Variants in DESI1 observed in about 807,000 individuals in gnomAD.
The protein encoded by DESI1 is desumoylating isopeptidase 1, also known as PPPDE peptidase domain containing 2.
In DESI1, 17 loss-of-function variants were observed where a neutral mutation model predicts 22.4. The ratio of observed to expected loss-of-function variants is 0.76; its 90% confidence interval spans 0.52 to 1.14. The LOEUF (loss-of-function observed/expected upper bound fraction) is 1.14, where lower values mean the gene tolerates loss of function less well. Ranked by LOEUF, DESI1 falls within the 50% of genes most tolerant of loss-of-function variation. DESI1 has a pLI of 0.00. For synonymous variants in DESI1, 92 were observed against 84.2 expected (o/e 1.09, Z -0.51); for missense variants, 177 against 208.9 (o/e 0.85, Z 0.94).
rs138511475 is a variant in DESI1 at position 41,607,617 on chromosome 22, A to G, written c.110+223T>C. Among the ~76,000 whole-genome samples the G allele has an allele frequency of 4.8e-3, 725 of 152,354 alleles. 3 individuals are homozygous for G. Among genetic ancestry groups the G allele is most frequent in the Non-Finnish European group, 6.3e-3 (432 of 68,040 alleles). On this transcript the variant is annotated intron_variant, in intron 2 of 5. Coordinates refer to ENST00000263256, the MANE Select transcript of DESI1 (RefSeq NM_015704.3). ...CTGCCTCTATCCACAAGATGCCAGT[A>G]GCATCCTCCTCCCTGTATGACAACC... is the stretch of plus-strand genomic sequence containing the variant.
intron 1 of DESI1, among the ~76,000 whole-genome samples, chr22:41,618,286 C>T (rs2067561782): frequency 6.6e-6 from 1 of 151,178 alleles, no homozygotes; most frequent in African/African-American, 2.4e-5. Flanking sequence ...TCACTTGAAC[C>T]TGGGAGGCAG....
chr22:41,618,617 C>A (rs1389737641), intron 1 of DESI1, among the ~76,000 whole-genome samples: 1 of 152,096 alleles, frequency 6.6e-6, no homozygotes, highest in East Asian at 1.9e-4. Flanking sequence ...TCCTAAGGCT[C>A]CTTTCAGCTG....
At chr22:41,605,622 T>C (rs1038335893) in intron 3 of DESI1, among the ~76,000 whole-genome samples, 5 of 152,218 alleles carry the variant, frequency 3.3e-5, no homozygotes, top group Non-Finnish European at 7.3e-5. Flanking sequence ...TATTCACTCA[T>C]ATAACAACTA....
At chr22:41,614,967 A>C (rs1438805574) in intron 1 of DESI1, among the ~76,000 whole-genome samples, 2 of 148,622 alleles carry the variant, frequency 1.3e-5, no homozygotes, top group African/African-American at 5.0e-5. Flanking sequence ...AGAAGATTTC[A>C]TTTCAAGGAA....
At position 41,602,629 on chromosome 22, in the gene DESI1, CAA is replaced by C. The variant is rs1348364851; in HGVS notation, c.413+628_413+629del. 7 of 986,420 alleles carry C rather than the reference CAA, an allele frequency of 7.1e-6. No homozygotes were observed. In the Admixed American group the frequency reaches 1.8e-4, roughly 26 times the overall value. The allele number at this position is 986,420 out of a possible 1,614,324, so 61.1% of individuals were successfully genotyped here. A position where few individuals can be genotyped will look rare whatever the true frequency, so the allele number is the denominator to read the frequency against. ...GAGGCTGCCTGAATGCAATCAACGA[CAA>C]GAGGGAGGAGGTGAGATGGCTTTGG... On this transcript the variant is annotated intron_variant, in intron 5 of 5. Coordinates refer to ENST00000263256, the MANE Select transcript of DESI1 (RefSeq NM_015704.3).
intron 1 of DESI1, among the ~76,000 whole-genome samples, chr22:41,616,653 T>TG (rs1449943743): frequency 1.3e-5 from 2 of 152,122 alleles, no homozygotes; most frequent in Non-Finnish European, 2.9e-5. Flanking sequence ...AGGACACTTA[T>TG]AATAGCTAAT....
intron 3 of DESI1, among the ~76,000 whole-genome samples, chr22:41,604,732 TA>T (rs111720971): frequency 2.6e-3 from 375 of 143,644 alleles, no homozygotes; most frequent in Middle Eastern, 3.6e-3. Flanking sequence ...CTGATGAGCT[TA>T]AAAAAAAAAA....
chr22:41,610,834 T>C (rs132762), intron 1 of DESI1, among the ~76,000 whole-genome samples: 36,814 of 150,846 alleles, frequency 0.24, 4,897 homozygotes, highest in Non-Finnish European at 0.3. Context: ...GATGGCGCCA[T>C]TGTACTCCAG....
chr22:41,604,049 C>A lies in DESI1; in HGVS notation c.285G>T (p.Leu95=). 1 of 1,613,366 alleles carries A rather than the reference C, an allele frequency of 6.2e-7. No homozygotes were observed. Among genetic ancestry groups the A allele is most frequent in the South Asian group, 1.1e-5 (1 of 91,056 alleles). The change falls in exon 4 of 6, where the codon CTG becomes CTT. Residue 95 remains leucine (L), a synonymous_variant. Coordinates refer to ENST00000263256, the MANE Select transcript of DESI1 (RefSeq NM_015704.3). ...CCACCCCTGTCTCCACTCACCGGAA[C>A]AGGGACTCCCCCAGGGAGGAGAGGT... ...LEYLSSLGES[L]FRGEAYNLFE...
intron 3 of DESI1, among the ~76,000 whole-genome samples, chr22:41,605,724 TTA>T: frequency 6.6e-6 from 1 of 152,266 alleles, no homozygotes. Flanking sequence ...GTTAAGAAGC[TTA>T]GTGTAGCAGG....
At chr22:41,614,787 C>G (rs2067539843) in intron 1 of DESI1, among the ~76,000 whole-genome samples, 1 of 150,606 alleles carries the variant, frequency 6.6e-6, no homozygotes. Context: ...GTTTCACTAT[C>G]TTGGCCAGGC....
At chr22:41,613,262 T>C (rs1269963631) in intron 1 of DESI1, among the ~76,000 whole-genome samples, 1 of 152,136 alleles carries the variant, frequency 6.6e-6, no homozygotes, top group Non-Finnish European at 1.5e-5. Context: ...TAGTTTCCTA[T>C]TCTGTAAAAA....
intron 1 of DESI1, among the ~76,000 whole-genome samples, chr22:41,615,090 A>G (rs1324972433): frequency 2.0e-5 from 3 of 150,240 alleles, no homozygotes; most frequent in Non-Finnish European, 4.4e-5. Context: ...CGAGGTCAGG[A>G]GATCAAGTCC....
At chr22:41,610,618 C>T (rs2067511062) in intron 1 of DESI1, among the ~76,000 whole-genome samples, 2 of 151,962 alleles carry the variant, frequency 1.3e-5, no homozygotes, top group Admixed American at 1.3e-4. Context: ...CTGCTCTGGC[C>T]CGGAAGACCA....
At chr22:41,606,374 C>A (rs1252002355) in intron 3 of DESI1, among the ~76,000 whole-genome samples, 2 of 151,464 alleles carry the variant, frequency 1.3e-5, no homozygotes, top group Non-Finnish European at 2.9e-5. Context: ...AAAAAAAATC[C>A]TTCCTGTAGG....
At chr22:41,612,194 A>C (rs1366008630) in intron 1 of DESI1, among the ~76,000 whole-genome samples, 1 of 152,132 alleles carries the variant, frequency 6.6e-6, no homozygotes, top group African/African-American at 2.4e-5. Flanking sequence ...GCAATAGTGA[A>C]TGGTATAGAA....
intron 1 of DESI1, among the ~76,000 whole-genome samples, chr22:41,611,188 G>C (rs1360502387): frequency 6.6e-6 from 1 of 152,182 alleles, no homozygotes; most frequent in Non-Finnish European, 1.5e-5. Context: ...GGAGTGCAGT[G>C]GCACGATCTT....
intron 1 of DESI1, among the ~76,000 whole-genome samples, chr22:41,610,754 TCC>T (rs2067512109): frequency 2.0e-5 from 3 of 151,742 alleles, no homozygotes; most frequent in African/African-American, 7.3e-5. Context: ...GCGCCTGTAA[TCC>T]CAGCTACTTG....
At chr22:41,610,041 T>TAC (rs2067507378) in intron 1 of DESI1, among the ~76,000 whole-genome samples, 3 of 127,968 alleles carry the variant, frequency 2.3e-5, no homozygotes, top group East Asian at 2.4e-4. Context: ...GATTGCGCCA[T>TAC]TGCACTCCAG....
Sources: allele counts gnomAD v4.1 joint callset (sites outside exome capture counted in the v4.1 genomes callset), GRCh38; gene constraint gnomAD v4.1.1; transcripts MANE v1.5; gene names NCBI Gene and HGNC (gene_info 2026-07-23, HGNC 2026-07-21).